The following OSBPL9 variants were observed in gnomAD, a reference collection of about 807,000 sequenced individuals.
OSBPL9 encodes oxysterol-binding protein-related protein 9.
Under a neutral mutation model 106.6 loss-of-function variants are expected in OSBPL9, and 40 were observed. The observed-to-expected ratio is 0.38, with a 90% CI of 0.29 to 0.49. The LOEUF is 0.49. Among genes scored for constraint, OSBPL9 ranks in the 20% least tolerant of loss-of-function variants. The pLI is 0.97. For synonymous variants in OSBPL9, 269 were observed against 295.4 expected (o/e 0.91, Z 0.92); for missense variants, 609 against 887.2 (o/e 0.69, Z 3.98).
Position 51,722,459 on chromosome 1 carries a change from A to C in OSBPL9, c.318+8380A>C, listed in dbSNP as rs371856243. Among the ~76,000 whole-genome samples, 6 of 152,312 alleles carry C rather than the reference A, an allele frequency of 3.9e-5. No individual in the cohort carries two copies. In the East Asian group the frequency reaches 1.2e-3, roughly 29 times the overall value. On this transcript the variant is annotated intron_variant, in intron 4 of 23. Coordinates refer to ENST00000428468, the MANE Select transcript of OSBPL9 (RefSeq NM_024586.6). ...CTGTCATTGTACTTTCCTACTTCCC[A>C]GACTCACCATTTTCAACATTTTTTA...
intron 4 of OSBPL9, chr1:51,730,045 C>G: frequency 7.7e-7 from 1 of 1,293,872 alleles, no homozygotes; most frequent in Non-Finnish European, 9.9e-7. Flanking sequence ...GGCCCCTACC[C>G]CTGAGTCCCC....
chr1:51,666,409 T>C (rs929478752), intron 2 of OSBPL9, among the ~76,000 whole-genome samples: 1 of 152,144 alleles, frequency 6.6e-6, no homozygotes, highest in Admixed American at 6.5e-5. Flanking sequence ...GTGAAATTGC[T>C]TGGTGTTTTT....
chr1:51,725,334 G>C, intron 4 of OSBPL9, among the ~76,000 whole-genome samples: 1 of 151,744 alleles, frequency 6.6e-6, no homozygotes, highest in East Asian at 1.9e-4. Flanking sequence ...GTTCTTGCAT[G>C]GTTTCTACTT....
chr1:51,560,572 A>T, the OSBPL9 span, among the ~76,000 whole-genome samples: 1 of 152,184 alleles, frequency 6.6e-6, no homozygotes, highest in Non-Finnish European at 1.5e-5. Context: ...GACTCCTGGG[A>T]GGAATCATGG....
rs746979268 is a variant in OSBPL9 at position 51,782,516 on chromosome 1, G to A, written c.1429-43G>A. 3 of 1,567,610 alleles carry A rather than the reference G, an allele frequency of 1.9e-6. No individual in the cohort carries two copies. The South Asian group carries it at 3.3e-5, about 17-fold the overall frequency. ...TACCAGATTCTCTGAAATGTCATTTGTGTTTTCTCATCAAAAGAAAATTAT... is the reference window on the plus strand; with the variant it reads ...TACCAGATTCTCTGAAATGTCATTTATGTTTTCTCATCAAAAGAAAATTAT... On this transcript the variant is annotated intron_variant, in intron 16 of 23. Coordinates refer to ENST00000428468, the MANE Select transcript of OSBPL9 (RefSeq NM_024586.6).
intron 8 of OSBPL9, among the ~76,000 whole-genome samples, chr1:51,750,443 T>G (rs1234890859): frequency 1.3e-5 from 2 of 152,212 alleles, no homozygotes; most frequent in Non-Finnish European, 2.9e-5. Flanking sequence ...TTCCTTCCAT[T>G]TTATCCATTA....
At chr1:51,758,239 C>A (rs2149053966) in intron 9 of OSBPL9, among the ~76,000 whole-genome samples, 1 of 152,098 alleles carries the variant, frequency 6.6e-6, no homozygotes, top group South Asian at 2.1e-4. Context: ...GGATCAGCCT[C>A]CATTCTACAA....
chr1:51,616,617 A>AT (rs1296277459), upstream of OSBPL9, among the ~76,000 whole-genome samples: 2 of 152,038 alleles, frequency 1.3e-5, no homozygotes. Flanking sequence ...AGCATTTATG[A>AT]TTTTTTAATG....
the OSBPL9 span, among the ~76,000 whole-genome samples, chr1:51,541,002 G>A: frequency 9.4e-5 from 14 of 149,150 alleles, no homozygotes; most frequent in Middle Eastern, 3.5e-3. Flanking sequence ...ATGGTGGCGC[G>A]CACCTGCAAT....
At chr1:51,771,193 TTAGAA>T (rs1369320492) in intron 12 of OSBPL9, among the ~76,000 whole-genome samples, 1 of 152,230 alleles carries the variant, frequency 6.6e-6, no homozygotes, top group Admixed American at 6.5e-5. Context: ...TATGATTAGA[TTAGAA>T]TACATGTTTT....
intron 4 of OSBPL9, among the ~76,000 whole-genome samples, chr1:51,716,852 G>T (rs1426319818): frequency 1.3e-5 from 2 of 151,940 alleles, no homozygotes; most frequent in African/African-American, 4.8e-5. Context: ...TGCCATGTTA[G>T]GTTCTCTTCT....
At chr1:51,589,094 TC>T (rs1645260853) in intron 1 of OSBPL9, among the ~76,000 whole-genome samples, 1 of 138,910 alleles carries the variant, frequency 7.2e-6, no homozygotes, top group African/African-American at 2.5e-5. Context: ...TCTTTTCTTT[TC>T]TTTTTTTTTT....
chr1:51,788,605 G>A lies in OSBPL9; in HGVS notation c.*816G>A, dbSNP rs1678262706. ...ATTCTTTTCCTCTGTCAGATTGTAT[G>A]TTCTGTCTTTAGCCCCTGCCAGGCA... On this transcript the variant is annotated 3_prime_UTR_variant, in exon 24 of 24. Coordinates refer to ENST00000428468, the MANE Select transcript of OSBPL9 (RefSeq NM_024586.6). 6.6e-6 allele frequency: 1 copy of A among 152,410 alleles called. No individual in the cohort carries two copies. Among genetic ancestry groups the A allele is most frequent in the Non-Finnish European group, 1.5e-5 (1 of 68,206 alleles). The allele number at this position is 152,410 out of a possible 1,614,324, so 9.4% of individuals were successfully genotyped here.
intron 12 of OSBPL9, among the ~76,000 whole-genome samples, chr1:51,768,992 ATGTTTTATT>A (rs1318638003): frequency 6.6e-6 from 1 of 152,092 alleles, no homozygotes; most frequent in Non-Finnish European, 1.5e-5. Context: ...AGGACTGCAG[ATGTTTTATT>A]TGGGCAGCAC....
At chr1:51,700,944 A>ATT (rs369435948) in intron 3 of OSBPL9, among the ~76,000 whole-genome samples, 4 of 145,910 alleles carry the variant, frequency 2.7e-5, no homozygotes, top group Non-Finnish European at 4.5e-5. Flanking sequence ...ATTCATTGTA[A>ATT]TTTTTTTTTT....
chr1:51,596,157 G>A (rs1645298254), intron 1 of OSBPL9, among the ~76,000 whole-genome samples: 1 of 151,088 alleles, frequency 6.6e-6, no homozygotes, highest in Non-Finnish European at 1.5e-5. Context: ...ACTTGGGGAG[G>A]CTGAAGCAGG....
the OSBPL9 span, chr1:51,567,472 A>G: frequency 6.6e-6 from 1 of 152,298 alleles, no homozygotes; most frequent in South Asian, 2.1e-4. Context: ...TTCTAAGTCC[A>G]ACACTCCCTC....
At position 51,637,871 on chromosome 1, in the gene OSBPL9, G is replaced by A. The variant is rs556720878; in HGVS notation, c.112-14120G>A. On this transcript the variant is annotated intron_variant, in intron 1 of 23. Transcript: ENST00000428468. ...TGGCATTAGATATTGACATCAAGATGCAGTATCTCCATGTTAGAGACATAC... is the reference window on the plus strand; with the variant it reads ...TGGCATTAGATATTGACATCAAGATACAGTATCTCCATGTTAGAGACATAC... Among the ~76,000 whole-genome samples the A allele has an allele frequency of 2.0e-5, 3 of 152,290 alleles. No individual in the cohort carries two copies. In the East Asian group the frequency reaches 5.8e-4, roughly 29 times the overall value.
chr1:51,783,900 A>G lies in OSBPL9; in HGVS notation c.1514-15A>G. On this transcript the variant is annotated splice_polypyrimidine_tract_variant and intron_variant, in intron 17 of 23. Coordinates refer to ENST00000428468, the MANE Select transcript of OSBPL9 (RefSeq NM_024586.6). ...GTAGGTATATATAATCTACTAATTGAAAATTTCTATTCAGTTTCAGCCTTT... is the reference window on the plus strand; with the variant it reads ...GTAGGTATATATAATCTACTAATTGGAAATTTCTATTCAGTTTCAGCCTTT... 6.3e-7 allele frequency: 1 copy of G among 1,580,694 alleles called. No homozygotes were observed. The highest frequency in any genetic ancestry group is 1.1e-5 in the South Asian group (1 of 90,416).
Sources: gnomAD v4.1 joint callset for allele counts (sites outside exome capture counted in the v4.1 genomes callset) on GRCh38, gnomAD v4.1.1 for gene constraint, MANE v1.5 for transcripts, NCBI Gene and HGNC (gene_info 2026-07-23, HGNC 2026-07-21) for gene names.